Variants in ATG4B observed in about 807,000 individuals in gnomAD.
ATG4B encodes the protein cysteine protease ATG4B.
ATG4B carries 29 observed loss-of-function variants against 56.6 expected under a neutral mutation model. The observed-to-expected ratio is 0.51, with a 90% confidence interval of 0.38 to 0.70. ATG4B has a LOEUF of 0.70. ATG4B is among the 30% of genes least tolerant of loss of function. The pLI is 0.00. For synonymous variants in ATG4B, 224 were observed against 206.1 expected, an observed-to-expected ratio of 1.09 and a Z score of -0.74; for missense variants, 461 against 515.5, an observed-to-expected ratio of 0.89 and a Z score of 1.02.
intron 12 of ATG4B, chr2:241,671,850 C>T: frequency 5.4e-6 from 7 of 1,290,674 alleles, no homozygotes; most frequent in South Asian, 5.1e-5. Flanking sequence ...AGCGCGTCCT[C>T]CTCATCTCTG....
intron 1 of ATG4B, among the ~76,000 whole-genome samples, chr2:241,638,581 G>T (rs1348249705): frequency 6.6e-6 from 1 of 152,190 alleles, no homozygotes; most frequent in Non-Finnish European, 1.5e-5. Context: ...TGTAAAGAAA[G>T]ATTTTCATCT....
At chr2:241,647,539 T>C (rs751734703) in intron 1 of ATG4B, among the ~76,000 whole-genome samples, 6 of 147,078 alleles carry the variant, frequency 4.1e-5, no homozygotes, top group Non-Finnish European at 8.9e-5. Flanking sequence ...GAGAATGGCA[T>C]GAGCCGGGAG....
intron 5 of ATG4B, 161 bp from the exon 6 acceptor site, chr2:241,655,110 C>T: frequency 6.1e-6 from 4 of 658,004 alleles, no homozygotes; most frequent in South Asian, 5.5e-5. Flanking sequence ...CCTTGTTTGC[C>T]CCCTCATGCC....
chr2:241,652,577 G>T (rs1393681141), intron 3 of ATG4B, among the ~76,000 whole-genome samples: 3 of 152,126 alleles, frequency 2.0e-5, no homozygotes, highest in East Asian at 1.9e-4. Flanking sequence ...GCCCAGGCTG[G>T]ACTTGAACTC....
chr2:241,641,132 A>C (rs2067873748), intron 1 of ATG4B, among the ~76,000 whole-genome samples: 2 of 152,148 alleles, frequency 1.3e-5, no homozygotes, highest in Admixed American at 1.3e-4. Flanking sequence ...TAAGAGGTTG[A>C]CTTCTGCATG....
intron 1 of ATG4B, among the ~76,000 whole-genome samples, chr2:241,648,908 ATTTG>A (rs1286389432): frequency 2.6e-5 from 4 of 152,194 alleles, no homozygotes; most frequent in Non-Finnish European, 4.4e-5. Flanking sequence ...GTATAGTAAA[ATTTG>A]TGTGCCTTTG....
In ATG4B at chr2:241,668,935, G is replaced by A. The variant is rs967383911; in HGVS notation, c.957+250G>A. On this transcript the variant is annotated intron_variant, in intron 10 of 12. Transcript: ENST00000404914. The surrounding 1 kb of genome is among the most constrained non-coding windows in gnomAD (Gnocchi z 4.2). ...TGGCCCAGAGAGCGTGTGTCTGGATGTGAGCGTGTGTGGGCGCGTGCTGAG... is the reference window on the plus strand; with the variant it reads ...TGGCCCAGAGAGCGTGTGTCTGGATATGAGCGTGTGTGGGCGCGTGCTGAG... The A allele has an allele frequency of 1.5e-4, 85 of 551,468 alleles. No individual in the cohort carries two copies. The highest frequency in any genetic ancestry group is 2.6e-4 in the Non-Finnish European group (82 of 314,878). The allele number at this position is 551,468 out of a possible 1,614,324, so 34.2% of individuals were successfully genotyped here.
rs1002120368 is a variant in ATG4B, at chr2:241,654,831, C to G, written c.385+184C>G. On this transcript the variant is annotated intron_variant, in intron 5 of 12. Transcript: ENST00000404914. ...TCACCCCCGTGTCATCCCACATCAC[C>G]CCCGTCCCACCCAGGCCCAGACCCT... is the stretch of plus-strand genomic sequence containing the variant. 3 of 606,852 alleles carry G rather than the reference C, an allele frequency of 4.9e-6. No individual in the cohort carries two copies. The African/African-American group carries it at 5.6e-5, about 11-fold the overall frequency. The allele number at this position is 606,852 out of a possible 1,614,324, so 37.6% of individuals were successfully genotyped here. A position where few individuals can be genotyped will look rare whatever the true frequency, so the allele number is the denominator to read the frequency against.
At chr2:241,671,163 G>A (rs759330117) in intron 11 of ATG4B, 149 bp from the exon 12 acceptor site, 12 of 722,094 alleles carry the variant, frequency 1.7e-5, no homozygotes, top group Non-Finnish European at 2.6e-5. Context: ...GGGTTCTCGT[G>A]TAGCCTTTAG....
chr2:241,639,877 C>T (rs936963590), intron 1 of ATG4B, among the ~76,000 whole-genome samples: 14 of 152,174 alleles, frequency 9.2e-5, no homozygotes, highest in African/African-American at 2.4e-4. Context: ...TAGAGGAAAG[C>T]GCACCAAACA....
chr2:241,672,016 TC>T, intron 12 of ATG4B, 174 bp from the exon 13 acceptor site: 5 of 1,403,620 alleles, frequency 3.6e-6, no homozygotes, highest in Non-Finnish European at 4.6e-6. Flanking sequence ...CTCTGCTCCC[TC>T]CCCCCATATT....
intron 1 of ATG4B, among the ~76,000 whole-genome samples, chr2:241,643,692 TTTCCCC>T (rs2067978144): frequency 1.1e-5 from 1 of 91,156 alleles, no homozygotes; most frequent in African/African-American, 6.8e-5. Flanking sequence ...ATGTATATAT[TTTCCCC>T]CCCCCCCGTC....
At chr2:241,649,884 A>C (rs1311868163) in intron 1 of ATG4B, among the ~76,000 whole-genome samples, 6 of 150,978 alleles carry the variant, frequency 4.0e-5, no homozygotes. Context: ...TCTGGGTTCA[A>C]GTGATTCTCT....
In ATG4B at chr2:241,666,703, C is replaced by T. The variant is rs1253581109; in HGVS notation, c.597C>T (p.Ser199=). Residue 199 remains serine, a synonymous_variant, in exon 8 of 13, where the codon TCC becomes TCT. Transcript: ENST00000404914. ...CAGATAFPAD[S]DRHCNGFPAG... is the part of the protein sequence containing the mutation. ...GCGCCACTGCGTTTCCTGCAGATTCCGACCGGCACTGCAACGGATTCCCTG... is the reference window on the plus strand; with the variant it reads ...GCGCCACTGCGTTTCCTGCAGATTCTGACCGGCACTGCAACGGATTCCCTG... 5 of 1,613,060 alleles carry T rather than the reference C, an allele frequency of 3.1e-6. No homozygotes were observed. The highest frequency in any genetic ancestry group is 2.2e-5 in the East Asian group (1 of 44,866).
intron 1 of ATG4B, among the ~76,000 whole-genome samples, chr2:241,648,414 A>C: frequency 6.6e-6 from 1 of 151,968 alleles, no homozygotes; most frequent in Non-Finnish European, 1.5e-5. Flanking sequence ...TGACAACATG[A>C]TTAGACCTCA....
chr2:241,660,527 G>C (rs1033801540), intron 7 of ATG4B, among the ~76,000 whole-genome samples: 1 of 152,080 alleles, frequency 6.6e-6, no homozygotes, highest in East Asian at 1.9e-4. Flanking sequence ...AAGGGTGTTT[G>C]TTTCTTCCAT....
At position 241,651,477 on chromosome 2, in the gene ATG4B, G is replaced by T. The variant is rs570993231; in HGVS notation, c.184+142G>T. On this transcript the variant is annotated intron_variant, in intron 3 of 12. Coordinates refer to ENST00000404914, the MANE Select transcript of ATG4B (RefSeq NM_013325.5). The surrounding 1 kb of genome is among the most constrained non-coding windows in gnomAD (Gnocchi z 4.1). ...ATCCTGCTTAACTGAATTGGCCGAG[G>T]CCTCACGTGTAGTAGTGGCAAAGCT... 5.0e-5 allele frequency: 36 copies of T among 725,578 alleles called. No homozygotes were observed. In the Admixed American group the frequency reaches 7.8e-4, roughly 16 times the overall value. 44.9% of individuals were successfully genotyped at this position (725,578 alleles called of 1,614,324 possible). A position where few individuals can be genotyped will look rare whatever the true frequency, so the allele number is the denominator to read the frequency against.
chr2:241,647,788 A>G (rs2068108184), intron 1 of ATG4B, among the ~76,000 whole-genome samples: 1 of 152,112 alleles, frequency 6.6e-6, no homozygotes, highest in African/African-American at 2.4e-5. Context: ...GAGAGGTAGC[A>G]GGGACATCAT....
In ATG4B at chr2:241,654,590, A is replaced by G. The variant is rs1417388003; in HGVS notation, c.328A>G (p.Ser110Gly). 2.1e-5 allele frequency: 34 copies of G among 1,603,046 alleles called. No individual in the cohort carries two copies. Among genetic ancestry groups the G allele is most frequent in the Non-Finnish European group, 2.9e-5 (34 of 1,174,860 alleles). ...GAAGAGGCAGCCAGACAGCTACTTC[A>G]GCGTCCTCAACGCATTCATCGACAG... ...QRKRQPDSYF[S>G]VLNAFIDRKD... is the part of the protein sequence containing the mutation. Residue 110 changes from serine (S) to glycine (G), a missense_variant, in exon 5 of 13, where the codon AGC becomes GGC. Physicochemically the swap from Ser to Gly is moderately conservative, Grantham distance 56. Coordinates refer to ENST00000404914, the MANE Select transcript of ATG4B (RefSeq NM_013325.5).
Sources: allele counts gnomAD v4.1 joint callset (sites outside exome capture counted in the v4.1 genomes callset), GRCh38; gene constraint gnomAD v4.1.1; non-coding constraint Gnocchi (gnomAD v3.1); transcripts MANE v1.5; gene names NCBI Gene and HGNC (gene_info 2026-07-23, HGNC 2026-07-21).